DSE: variants seen among roughly 807,000 people sequenced by gnomAD.
The protein encoded by DSE is dermatan-sulfate epimerase.
Under a neutral mutation model 84.4 loss-of-function variants are expected in DSE, and 36 were observed. That is an observed-to-expected ratio of 0.43 (90% CI 0.33 to 0.56). The LOEUF is 0.56. Ranked by LOEUF, DSE falls within the 20% of genes least tolerant of loss-of-function variation. DSE has a pLI of 0.06. For missense variants in DSE, 862 were observed against 1,169.6 expected (o/e 0.74, Z 3.84); for synonymous variants, 410 against 430.1 (o/e 0.95, Z 0.58).
At chr6:116,419,936 T>C (rs558038896) in intron 2 of DSE, among the ~76,000 whole-genome samples, 1 of 152,278 alleles carries the variant, frequency 6.6e-6, no homozygotes, top group Middle Eastern at 3.4e-3. Context: ...AATCATAAAG[T>C]CTCATTTAAA....
Position 116,280,444 on chromosome 6 carries a change from A to T in DSE, c.-54+21477A>T, listed in dbSNP as rs62423798. Among the ~76,000 whole-genome samples the T allele has an allele frequency of 0.19, 29,397 of 152,202 alleles. 3,051 individuals carry two copies. The highest frequency in any genetic ancestry group is 0.26 in the Admixed American group (3,945 of 15,288). On this transcript the variant is annotated intron_variant, in intron 2 of 3. Transcript: ENST00000430252. ...ACCACTAAAGCGATGCATAGTATTC[A>T]TTGCTAATTTTCGATTTATAATCTG...
intron 2 of DSE, among the ~76,000 whole-genome samples, chr6:116,293,138 A>G (rs4326261): frequency 0.98 from 148,933 of 152,306 alleles, 72,917 homozygotes; most frequent in East Asian, 1. Context: ...TAACTACAGA[A>G]TTCAAAGAAG....
intron 1 of DSE, among the ~76,000 whole-genome samples, chr6:116,391,191 A>G (rs1316928695): frequency 6.6e-6 from 1 of 152,250 alleles, no homozygotes; most frequent in African/African-American, 2.4e-5. Context: ...TGCTGTCTTC[A>G]TGAAAACCTT....
At chr6:116,371,226 CG>C in intron 1 of DSE, 105 bp downstream of exon 1, 1 of 981,964 alleles carries the variant, frequency 1.0e-6, no homozygotes, top group Non-Finnish European at 1.2e-6. Flanking sequence ...GGGCGGGAGA[CG>C]GAGAGCCACG....
chr6:116,358,235 G>C (rs1477045782), intron 2 of DSE, among the ~76,000 whole-genome samples: 3 of 152,106 alleles, frequency 2.0e-5, no homozygotes, highest in Non-Finnish European at 4.4e-5. Flanking sequence ...GCTACTGACT[G>C]TTTCTGATCA....
intron 2 of DSE, among the ~76,000 whole-genome samples, chr6:116,417,451 T>G (rs911639755): frequency 5.9e-5 from 9 of 152,208 alleles, no homozygotes; most frequent in Non-Finnish European, 1.0e-4. Flanking sequence ...ACTTTTCATT[T>G]GAGTAAAATG....
chr6:116,425,372 C>T (rs1312152813), intron 2 of DSE, among the ~76,000 whole-genome samples: 1 of 152,128 alleles, frequency 6.6e-6, no homozygotes, highest in Non-Finnish European at 1.5e-5. Context: ...TCTTCTACCT[C>T]CCACAGGTAC....
chr6:116,397,450 G>A (rs370041832), intron 1 of DSE, among the ~76,000 whole-genome samples: 4 of 151,924 alleles, frequency 2.6e-5, no homozygotes, highest in South Asian at 2.1e-4. Flanking sequence ...CAAGGGGCCC[G>A]CCCGCCTCCG....
chr6:116,415,425 G>A (rs2115034561), intron 2 of DSE, among the ~76,000 whole-genome samples: 1 of 152,230 alleles, frequency 6.6e-6, no homozygotes. Flanking sequence ...GTTTTGAGAT[G>A]AGTCTGTGTA....
chr6:116,330,612 G>A (rs1232784717), intron 2 of DSE, among the ~76,000 whole-genome samples: 3 of 152,054 alleles, frequency 2.0e-5, no homozygotes, highest in Non-Finnish European at 4.4e-5. Flanking sequence ...TATAAGCTTA[G>A]TAGGATAAGA....
intron 2 of DSE, among the ~76,000 whole-genome samples, chr6:116,290,102 T>C (rs143536035): frequency 6.6e-6 from 1 of 152,260 alleles, no homozygotes; most frequent in African/African-American, 2.4e-5. Context: ...TGCCTAAAGT[T>C]ACATGACTAA....
upstream of DSE, chr6:116,366,985 G>A (rs1779199570): frequency 1.3e-5 from 2 of 152,222 alleles, no homozygotes; most frequent in South Asian, 4.1e-4. Flanking sequence ...AAGAATGTAG[G>A]TCAATGTTTC....
chr6:116,288,038 G>T (rs1774036215), intron 2 of DSE: 1 of 152,028 alleles, frequency 6.6e-6, no homozygotes, highest in Non-Finnish European at 1.5e-5. Context: ...TCTCAGACAA[G>T]TTTAGGTTTA....
At chr6:116,323,480 C>G (rs909985294) in intron 2 of DSE, among the ~76,000 whole-genome samples, 2 of 152,138 alleles carry the variant, frequency 1.3e-5, no homozygotes, top group Admixed American at 6.5e-5. Flanking sequence ...ACTTCTTGGA[C>G]ATTCGTTTAG....
chr6:116,341,357 C>A (rs1388108516), intron 2 of DSE, among the ~76,000 whole-genome samples: 1 of 152,038 alleles, frequency 6.6e-6, no homozygotes, highest in East Asian at 1.9e-4. Flanking sequence ...TGTTTGAGTT[C>A]TTTGTAGATT....
At chr6:116,389,949 GT>G (rs200721310) in intron 1 of DSE, among the ~76,000 whole-genome samples, 6,203 of 147,874 alleles carry the variant, frequency 0.042, 176 homozygotes, top group Non-Finnish European at 0.065. Context: ...CAGTACTACA[GT>G]TTTTTAAAAA....
chr6:116,409,376 A>T (rs1226087057), intron 2 of DSE, among the ~76,000 whole-genome samples: 1 of 152,138 alleles, frequency 6.6e-6, no homozygotes, highest in Non-Finnish European at 1.5e-5. Flanking sequence ...TCCTGGGTTC[A>T]TGCCATTCTC....
At chr6:116,407,557 G>A (rs1047265042) in intron 2 of DSE, among the ~76,000 whole-genome samples, 5 of 152,094 alleles carry the variant, frequency 3.3e-5, no homozygotes, top group Non-Finnish European at 7.4e-5. Flanking sequence ...GGCCATATCT[G>A]CTCATTCTTA....
intron 2 of DSE, among the ~76,000 whole-genome samples, chr6:116,324,534 T>C (rs555467983): frequency 1.1e-4 from 16 of 152,188 alleles, no homozygotes; most frequent in Non-Finnish European, 1.2e-4. Context: ...GAAAGCACAA[T>C]TGCTTTAGAA....
Sources: gnomAD v4.1 joint callset for allele counts (sites outside exome capture counted in the v4.1 genomes callset) on GRCh38, gnomAD v4.1.1 for gene constraint, MANE v1.5 for transcripts, NCBI Gene and HGNC (gene_info 2026-07-23, HGNC 2026-07-21) for gene names.